Variants in MYCBP2 observed in about 807,000 individuals in gnomAD.
MYCBP2 encodes the protein E3 ubiquitin-protein ligase MYCBP2.
Under a neutral mutation model 525.3 loss-of-function variants are expected in MYCBP2, and 120 were observed. That is an observed-to-expected ratio of 0.23 (90% CI 0.20 to 0.27). MYCBP2 has a LOEUF of 0.27. MYCBP2 is among the 10% of genes least tolerant of loss of function. The pLI is 1.00. For missense variants in MYCBP2, 4,149 were observed against 5,657.1 expected (o/e 0.73, Z 8.55); for synonymous variants, 1,894 against 1,955.8 (o/e 0.97, Z 0.83).
intron 61 of MYCBP2, among the ~76,000 whole-genome samples, chr13:77,088,058 A>T (rs189580153): frequency 6.6e-4 from 100 of 152,252 alleles, no homozygotes; most frequent in Non-Finnish European, 5.4e-4. Flanking sequence ...TGCTAGGATT[A>T]CAAGCATGGG....
At chr13:77,144,816 T>C (rs1275012686) in intron 48 of MYCBP2, among the ~76,000 whole-genome samples, 1 of 152,140 alleles carries the variant, frequency 6.6e-6, no homozygotes, top group Non-Finnish European at 1.5e-5. Flanking sequence ...AGCAATCAGA[T>C]ACAACCTCAA....
intron 52 of MYCBP2, among the ~76,000 whole-genome samples, chr13:77,128,645 A>G (rs2052143578): frequency 6.6e-6 from 1 of 151,982 alleles, no homozygotes; most frequent in Admixed American, 6.6e-5. Flanking sequence ...ACACTGACAG[A>G]CATAAAGTCA....
At position 77,058,305 on chromosome 13, in the gene MYCBP2, G is replaced by A; in HGVS notation, c.13242C>T (p.Asp4414=). The stretch of plus-strand genomic sequence containing the variant: ...CTTGCTTCAGGCTTGTGGCACTTTT[G>A]TCACAGCCGTGTAGACAGGGCAGAC... ...EHCLPCLHGC[D]KSATSLKQDA... The change falls in exon 78 of 83, where the codon GAC becomes GAT. Residue 4414 remains aspartate, a synonymous_variant. Transcript: ENST00000544440. The surrounding 1 kb of genome is among the most constrained non-coding windows in gnomAD (Gnocchi z 4.1). 6.2e-7 allele frequency: 1 copy of A among 1,614,150 alleles called. No homozygotes were observed. Among genetic ancestry groups the A allele is most frequent in the East Asian group, 2.2e-5 (1 of 44,880 alleles).
chr13:77,045,605 G>A, intron 82 of MYCBP2, 112 bp from the exon 83 acceptor site: 4 of 678,502 alleles, frequency 5.9e-6, no homozygotes, highest in South Asian at 2.0e-5. Context: ...ACATGACTAT[G>A]GTTATACAAA....
chr13:77,235,015 A>G (rs568305591), intron 17 of MYCBP2, among the ~76,000 whole-genome samples: 3 of 152,154 alleles, frequency 2.0e-5, no homozygotes, highest in South Asian at 2.1e-4. Context: ...AATTAAAGCA[A>G]TTGGGCTCGA....
chr13:77,174,811 C>T (rs1033739784), intron 36 of MYCBP2, among the ~76,000 whole-genome samples: 5 of 140,740 alleles, frequency 3.6e-5, no homozygotes, highest in African/African-American at 1.1e-4. Flanking sequence ...TTCAAAGTCA[C>T]GCAGCTAGTA....
intron 20 of MYCBP2, 110 bp from the exon 21 acceptor site, chr13:77,218,067 G>A: frequency 1.6e-6 from 1 of 634,360 alleles, no homozygotes; most frequent in Non-Finnish European, 2.7e-6. Flanking sequence ...GCACTCATAA[G>A]AATATTCAGT....
rs2036926327 is a variant in MYCBP2, at chr13:77,052,045, C to T, written c.13648-127G>A. On this transcript the variant is annotated intron_variant, in intron 80 of 82. Transcript: ENST00000544440. ...AATACCATTATCTACTAGACCATCC[C>T]TTGAAATGCCAAGTGCATGCCCATA... is the stretch of plus-strand genomic sequence containing the variant. The T allele has an allele frequency of 1.2e-5, 8 of 676,716 alleles. No individual in the cohort carries two copies. The East Asian group carries it at 2.2e-4, about 19-fold the overall frequency. 41.9% of individuals were successfully genotyped at this position (676,716 alleles called of 1,614,324 possible).
rs781610233 is a variant in MYCBP2, at chr13:77,185,314, G to A, written c.4508C>T (p.Thr1503Ile). The A allele has an allele frequency of 1.2e-6, 2 of 1,614,004 alleles. No individual in the cohort carries two copies. Among genetic ancestry groups the A allele is most frequent in the Non-Finnish European group, 1.7e-6 (2 of 1,180,006 alleles). ...KLAECIGKTR[T>I]LLRKILSEGV... ...TTCTGATAAAATTTTTCTTAACAAA[G>A]TTCTGGTTTTTCCAATACACTCTGC... Residue 1503 changes from threonine to isoleucine, a missense_variant, in exon 32 of 83, where the codon ACT (threonine) becomes ATT (isoleucine). By Grantham distance (89) the Thr-to-Ile change is moderately conservative (BLOSUM62 -1). Transcript: ENST00000544440.
chr13:77,093,246 G>A lies in MYCBP2; in HGVS notation c.10286C>T (p.Ala3429Val), dbSNP rs2045720406. 1 of 1,613,334 alleles carries A rather than the reference G, an allele frequency of 6.2e-7. No individual in the cohort carries two copies. The highest frequency in any genetic ancestry group is 1.3e-5 in the African/African-American group (1 of 74,980). Residue 3429 changes from alanine to valine, a missense_variant, in exon 59 of 83, where the codon GCC becomes GTC. Ala to Val is a moderately conservative substitution (Grantham distance 64, BLOSUM62 0). Around this residue, in one of 21 missense-constraint regions of MYCBP2, gnomAD observed 509 missense variants for 789.4 expected, o/e 0.64. Transcript: ENST00000544440. ...ATCAGGAGTTACTGATATATACGGG[G>A]CAGGTACAGATGTTGAACGTAGATA... ...MRYLRSTSVP[A>V]PYISVTPDAS... is the part of the protein sequence containing the mutation.
intron 55 of MYCBP2, among the ~76,000 whole-genome samples, chr13:77,116,339 T>A (rs1442686797): frequency 6.6e-6 from 1 of 151,966 alleles, no homozygotes; most frequent in Non-Finnish European, 1.5e-5. Flanking sequence ...ATAGGTGATA[T>A]ACTAGTGGGA....
intron 43 of MYCBP2, among the ~76,000 whole-genome samples, chr13:77,163,699 G>A (rs548963047): frequency 6.6e-6 from 1 of 152,166 alleles, no homozygotes; most frequent in East Asian, 1.9e-4. Context: ...ATATTCAAAT[G>A]GACCGCCCTT....
intron 20 of MYCBP2, among the ~76,000 whole-genome samples, chr13:77,219,113 G>C (rs2154290641): frequency 6.6e-6 from 1 of 152,250 alleles, no homozygotes; most frequent in South Asian, 2.1e-4. Flanking sequence ...GAGAAAAGAA[G>C]AGATCCTAAT....
intron 1 of MYCBP2, among the ~76,000 whole-genome samples, chr13:77,319,756 A>G (rs1321280048): frequency 6.6e-6 from 1 of 152,180 alleles, no homozygotes; most frequent in Admixed American, 6.5e-5. Flanking sequence ...AGTGCATGCC[A>G]AGCGTTATCA....
At chr13:77,263,536 ACAC>A in intron 10 of MYCBP2, 112 bp downstream of exon 10, 1 of 779,638 alleles carries the variant, frequency 1.3e-6, no homozygotes, top group Non-Finnish European at 2.0e-6. Context: ...ATAGTAACAG[ACAC>A]AAAATAGCTG....
chr13:77,093,407 A>G (rs1430441201), intron 58 of MYCBP2, 75 bp from the exon 59 acceptor site: 2 of 1,313,922 alleles, frequency 1.5e-6, no homozygotes, highest in African/African-American at 3.0e-5. Context: ...CTCTTTCATA[A>G]CAGGAAAAGC....
chr13:77,108,707 T>TA (rs2048263045), intron 55 of MYCBP2, among the ~76,000 whole-genome samples: 2 of 138,738 alleles, frequency 1.4e-5, no homozygotes, highest in African/African-American at 6.0e-5. Context: ...GATACTTTAT[T>TA]TTTTTTTTTT....
intron 21 of MYCBP2, among the ~76,000 whole-genome samples, chr13:77,214,634 A>G (rs1449532752): frequency 6.6e-6 from 1 of 152,202 alleles, no homozygotes; most frequent in African/African-American, 2.4e-5. Context: ...GTTCTGAAAT[A>G]TGTGTCATTA....
At chr13:77,311,926 G>GA (rs933518041) in intron 1 of MYCBP2, among the ~76,000 whole-genome samples, 6 of 151,940 alleles carry the variant, frequency 3.9e-5, no homozygotes, top group Non-Finnish European at 7.4e-5. Flanking sequence ...TAAACTTAAA[G>GA]AAAATGACTA....
Sources: allele counts gnomAD v4.1 joint callset (sites outside exome capture counted in the v4.1 genomes callset), GRCh38; gene constraint gnomAD v4.1.1; regional missense constraint gnomAD v4.1.1; non-coding constraint Gnocchi (gnomAD v3.1); transcripts MANE v1.5; gene names NCBI Gene and HGNC (gene_info 2026-07-23, HGNC 2026-07-21).